The following AIG1 variants were observed in gnomAD, a reference collection of about 807,000 sequenced individuals.
AIG1 encodes the protein androgen induced 1.
In AIG1, 23 loss-of-function variants were observed where a neutral mutation model predicts 31.4. The observed-to-expected ratio is 0.73, with a 90% CI of 0.53 to 1.04. The LOEUF is 1.04. AIG1 is among the 50% of genes least tolerant of loss of function. The pLI is 0.00. For synonymous variants in AIG1, 100 were observed against 110.5 expected (o/e 0.90, Z 0.60); for missense variants, 274 against 295.0 (o/e 0.93, Z 0.52).
chr6:143,261,050 G>A (rs991563031), intron 3 of AIG1, among the ~76,000 whole-genome samples: 16 of 152,158 alleles, frequency 1.1e-4, no homozygotes, highest in African/African-American at 3.9e-4. Context: ...CAAGCAAACA[G>A]CCTGGAGATG....
At chr6:143,169,731 A>G (rs147572818) in intron 3 of AIG1, among the ~76,000 whole-genome samples, 1 of 152,090 alleles carries the variant, frequency 6.6e-6, no homozygotes, top group Admixed American at 6.6e-5. Context: ...TTAGTATGTT[A>G]GCTGTGGGTT....
chr6:143,251,475 C>A (rs1206522732), intron 3 of AIG1, among the ~76,000 whole-genome samples: 2 of 152,090 alleles, frequency 1.3e-5, no homozygotes, highest in Non-Finnish European at 2.9e-5. Flanking sequence ...ACAAACACAC[C>A]TGACACTGTT....
intron 3 of AIG1, among the ~76,000 whole-genome samples, chr6:143,180,662 A>T (rs1788637668): frequency 6.6e-6 from 1 of 152,212 alleles, no homozygotes; most frequent in Non-Finnish European, 1.5e-5. Flanking sequence ...TTCAGAATGC[A>T]AAGCACTGAA....
At chr6:143,132,648 GT>G (rs879382650) in intron 1 of AIG1, among the ~76,000 whole-genome samples, 234 of 145,544 alleles carry the variant, frequency 1.6e-3, no homozygotes, top group African/African-American at 5.5e-3. Context: ...TATTTCTTCA[GT>G]TTTTTTTTTT....
chr6:143,133,088 T>C (rs1783404977), intron 1 of AIG1, among the ~76,000 whole-genome samples: 1 of 152,144 alleles, frequency 6.6e-6, no homozygotes, highest in African/African-American at 2.4e-5. Flanking sequence ...CTGCTTGACA[T>C]GTTCAGTAAT....
intron 2 of AIG1, among the ~76,000 whole-genome samples, chr6:143,152,291 C>G (rs1346221478): frequency 1.3e-5 from 2 of 152,192 alleles, no homozygotes; most frequent in African/African-American, 2.4e-5. Flanking sequence ...ATGTGTTTAG[C>G]TGGATGTCTC....
At chr6:143,171,419 TA>T (rs1378987713) in intron 3 of AIG1, among the ~76,000 whole-genome samples, 1 of 108,968 alleles carries the variant, frequency 9.2e-6, no homozygotes, top group African/African-American at 3.7e-5. Flanking sequence ...TGTATATATA[TA>T]TAATATATAT....
intron 3 of AIG1, among the ~76,000 whole-genome samples, chr6:143,225,528 G>A (rs1254485183): frequency 2.0e-5 from 3 of 152,098 alleles, no homozygotes; most frequent in Non-Finnish European, 2.9e-5. Flanking sequence ...ATTTTGCTTC[G>A]TTTAAGAACT....
intron 1 of AIG1, among the ~76,000 whole-genome samples, chr6:143,070,850 C>A (rs755586024): frequency 6.6e-6 from 1 of 152,310 alleles, no homozygotes; most frequent in South Asian, 2.1e-4. Flanking sequence ...AAACATTCAA[C>A]GGCAGTGACC....
Position 143,314,184 on chromosome 6 carries a change from TAAA to T in AIG1, c.516-19074_516-19072del, listed in dbSNP as rs35691634. On this transcript the variant is annotated intron_variant, in intron 4 of 5. Coordinates refer to ENST00000357847, the MANE Select transcript of AIG1 (RefSeq NM_016108.4). ...GGCAACAAAGCTGGAACCCATCTCTTAAAAAAAAAAAAAAAAAAAAAAAAAAGT... is the reference window on the plus strand; with the variant it reads ...GGCAACAAAGCTGGAACCCATCTCTTAAAAAAAAAAAAAAAAAAAAAAAGT... Among the ~76,000 whole-genome samples the T allele has an allele frequency of 8.3e-4, 75 of 90,606 alleles. 2 individuals are homozygous for T. The highest frequency in any genetic ancestry group is 7.9e-3 in the East Asian group (29 of 3,692). 59.4% of individuals were successfully genotyped at this position (90,606 alleles called of 152,430 possible).
chr6:143,250,232 G>A (rs533752880), intron 3 of AIG1, among the ~76,000 whole-genome samples: 2 of 152,318 alleles, frequency 1.3e-5, no homozygotes, highest in East Asian at 3.9e-4. Context: ...CCCTGGAATA[G>A]GAAGCAGCTC....
At chr6:143,267,455 C>T (rs1796234924) in intron 3 of AIG1, among the ~76,000 whole-genome samples, 2 of 152,166 alleles carry the variant, frequency 1.3e-5, no homozygotes, top group African/African-American at 4.8e-5. Flanking sequence ...TAATCCTCTA[C>T]TCATTTGATT....
Position 143,162,931 on chromosome 6 carries a change from C to T in AIG1, c.298-2151C>T, listed in dbSNP as rs9403453. ...TCCGCATAGGCAAGCCACTTGGCCA[C>T]GGGATGTCTTCACTCCATGGGAAGG... On this transcript the variant is annotated intron_variant, in intron 2 of 5. Transcript: ENST00000357847. 3.3e-3 allele frequency among the ~76,000 whole-genome samples: 496 copies of T among 152,228 alleles called. 13 individuals carry two copies. In the East Asian group the frequency reaches 0.061, roughly 19 times the overall value.
intron 3 of AIG1, among the ~76,000 whole-genome samples, chr6:143,267,838 A>T (rs1488905896): frequency 6.6e-6 from 1 of 152,152 alleles, no homozygotes; most frequent in Non-Finnish European, 1.5e-5. Flanking sequence ...CACTGTGTAC[A>T]CTGGGGACTT....
At chr6:143,170,332 G>C (rs1046704601) in intron 3 of AIG1, among the ~76,000 whole-genome samples, 4 of 152,022 alleles carry the variant, frequency 2.6e-5, no homozygotes, top group African/African-American at 9.7e-5. Flanking sequence ...TATGTGTCCA[G>C]GAATTTATCC....
At chr6:143,261,875 T>G (rs1481231202) in intron 3 of AIG1, among the ~76,000 whole-genome samples, 2 of 152,242 alleles carry the variant, frequency 1.3e-5, no homozygotes, top group Non-Finnish European at 2.9e-5. Flanking sequence ...TCCTCATTGA[T>G]TTTGGTGCAT....
chr6:143,180,550 T>G (rs1002325747), intron 3 of AIG1, among the ~76,000 whole-genome samples: 2 of 152,136 alleles, frequency 1.3e-5, no homozygotes, highest in African/African-American at 4.8e-5. Context: ...ATATTTAAAC[T>G]CCAGAAAGAT....
At chr6:143,084,823 A>G (rs1315792911) in intron 1 of AIG1, among the ~76,000 whole-genome samples, 2 of 152,160 alleles carry the variant, frequency 1.3e-5, no homozygotes, top group Non-Finnish European at 2.9e-5. Flanking sequence ...ACAAGTTAGT[A>G]AATGTCTGCA....
At chr6:143,119,011 C>A (rs1782004036) in intron 1 of AIG1, among the ~76,000 whole-genome samples, 1 of 151,952 alleles carries the variant, frequency 6.6e-6, no homozygotes, top group South Asian at 2.1e-4. Flanking sequence ...GTAGCTGGTA[C>A]TACAAGTGTG....
Sources: allele counts gnomAD v4.1 joint callset (sites outside exome capture counted in the v4.1 genomes callset), GRCh38; gene constraint gnomAD v4.1.1; transcripts MANE v1.5; gene names NCBI Gene and HGNC (gene_info 2026-07-23, HGNC 2026-07-21).